Variants in CFAP61 observed in about 807,000 individuals in gnomAD.
CFAP61 encodes cilia and flagella associated protein 61.
In CFAP61, 107 loss-of-function variants were observed where a neutral mutation model predicts 135.6. The observed-to-expected ratio is 0.79, with a 90% CI of 0.67 to 0.93. The LOEUF is 0.93. Ranked by LOEUF, CFAP61 falls within the 40% of genes least tolerant of loss-of-function variation. The pLI is 0.00. For synonymous variants in CFAP61, 575 were observed against 578.5 expected (o/e 0.99, Z 0.09); for missense variants, 1,507 against 1,556.2 (o/e 0.97, Z 0.53).
chr20:20,269,060 A>G (rs1233426690), intron 21 of CFAP61, among the ~76,000 whole-genome samples: 1 of 149,300 alleles, frequency 6.7e-6, no homozygotes, highest in Non-Finnish European at 1.5e-5. Context: ...GGGCATAGAA[A>G]TCTTATGCTT....
At chr20:20,223,866 C>A (rs538391067) in intron 17 of CFAP61, among the ~76,000 whole-genome samples, 1 of 152,232 alleles carries the variant, frequency 6.6e-6, no homozygotes, top group East Asian at 1.9e-4. Flanking sequence ...CTAAAAAGAT[C>A]AAATTTAATC....
intron 8 of CFAP61, among the ~76,000 whole-genome samples, chr20:20,133,880 T>A: frequency 6.6e-6 from 1 of 152,238 alleles, no homozygotes; most frequent in Non-Finnish European, 1.5e-5. Flanking sequence ...GGAGTTTCAC[T>A]GAAAATTTTG....
chr20:20,244,165 G>A (rs1242054717), intron 18 of CFAP61, among the ~76,000 whole-genome samples: 1 of 152,148 alleles, frequency 6.6e-6, no homozygotes, highest in Non-Finnish European at 1.5e-5. Flanking sequence ...AGTGCAAGCT[G>A]CTGGTAGATC....
intron 17 of CFAP61, chr20:20,200,560 A>T: frequency 3.5e-6 from 1 of 281,952 alleles, no homozygotes; most frequent in Non-Finnish European, 5.4e-6. Flanking sequence ...TCAATAACTT[A>T]ATTGGAAAAC....
intron 25 of CFAP61, among the ~76,000 whole-genome samples, chr20:20,320,375 A>G (rs1217819110): frequency 6.9e-5 from 1 of 14,474 alleles, no homozygotes; most frequent in Non-Finnish European, 2.1e-4. Flanking sequence ...AATATATATT[A>G]TATATATGTA....
chr20:20,317,212 C>T (rs138825479), intron 25 of CFAP61, among the ~76,000 whole-genome samples: 18 of 152,122 alleles, frequency 1.2e-4, no homozygotes, highest in Non-Finnish European at 2.4e-4. Flanking sequence ...GCCTTGTTTC[C>T]CTTATCTGTA....
intron 8 of CFAP61, among the ~76,000 whole-genome samples, chr20:20,139,149 T>C (rs983112050): frequency 6.6e-6 from 1 of 152,238 alleles, no homozygotes; most frequent in South Asian, 2.1e-4. Context: ...CCTCAACATG[T>C]ATTATTTTGC....
At chr20:20,309,495 T>C (rs2056688905) in intron 25 of CFAP61, among the ~76,000 whole-genome samples, 1 of 152,120 alleles carries the variant, frequency 6.6e-6, no homozygotes, top group Admixed American at 6.5e-5. Context: ...CTCGTACAGG[T>C]GAGGCAAGGG....
At chr20:20,350,886 A>G (rs2122434126) in intron 26 of CFAP61, among the ~76,000 whole-genome samples, 1 of 152,348 alleles carries the variant, frequency 6.6e-6, no homozygotes, top group Admixed American at 6.5e-5. Flanking sequence ...AAAGCATTTG[A>G]CAAAATTTGC....
At chr20:20,174,744 A>G (rs1475241944) in intron 13 of CFAP61, among the ~76,000 whole-genome samples, 1 of 124,802 alleles carries the variant, frequency 8.0e-6, no homozygotes, top group Non-Finnish European at 1.7e-5. Context: ...CCACCCTTAC[A>G]CCCCAGCAAT....
chr20:20,118,019 C>T (rs926447539), intron 8 of CFAP61, among the ~76,000 whole-genome samples: 23 of 152,064 alleles, frequency 1.5e-4, no homozygotes, highest in Admixed American at 1.5e-3. Context: ...AGTATAAGAT[C>T]ACGTTGTCTG....
In CFAP61 at chr20:20,137,326, C is replaced by T. The variant is rs532917581; in HGVS notation, c.860-5531C>T. On this transcript the variant is annotated intron_variant, in intron 8 of 26. Transcript: ENST00000245957. ...GAAGCCATCCAGGCCTATGTCCTTC[C>T]CTTAAGGGCAACAAGTTCCCCTGGC... Among the ~76,000 whole-genome samples, 5 of 152,308 alleles carry T rather than the reference C, an allele frequency of 3.3e-5. No individual in the cohort carries two copies. In the East Asian group the frequency reaches 9.6e-4, roughly 29 times the overall value.
At chr20:20,336,991 A>G (rs2058218506) in intron 25 of CFAP61, among the ~76,000 whole-genome samples, 1 of 152,258 alleles carries the variant, frequency 6.6e-6, no homozygotes, top group African/African-American at 2.4e-5. Context: ...CGTGAGGGCC[A>G]TATTCGATTC....
chr20:20,233,904 G>A (rs897817672), intron 18 of CFAP61, among the ~76,000 whole-genome samples: 2 of 151,910 alleles, frequency 1.3e-5, no homozygotes, highest in African/African-American at 4.8e-5. Flanking sequence ...TCCTTTTTTT[G>A]TGGGTGCTTT....
intron 20 of CFAP61, among the ~76,000 whole-genome samples, chr20:20,259,118 CA>C (rs2051926222): frequency 6.6e-6 from 1 of 151,954 alleles, no homozygotes; most frequent in African/African-American, 2.4e-5. Context: ...CAGCTACAGT[CA>C]AATAAGCAGT....
intron 21 of CFAP61, among the ~76,000 whole-genome samples, chr20:20,272,049 T>A (rs1163781175): frequency 6.6e-6 from 1 of 152,240 alleles, no homozygotes; most frequent in Non-Finnish European, 1.5e-5. Context: ...ATACATGAAT[T>A]AAATTCATCT....
At chr20:20,324,862 G>A (rs976226231) in intron 25 of CFAP61, among the ~76,000 whole-genome samples, 18 of 152,166 alleles carry the variant, frequency 1.2e-4, no homozygotes, top group African/African-American at 3.4e-4. Flanking sequence ...TGTGAATTGC[G>A]TGTCATTCTT....
At chr20:20,244,419 A>G (rs1569182986) in intron 18 of CFAP61, among the ~76,000 whole-genome samples, 1 of 152,224 alleles carries the variant, frequency 6.6e-6, no homozygotes, top group East Asian at 1.9e-4. Context: ...GTGTACTCAC[A>G]GGTTCAACAC....
At chr20:20,274,637 G>A (rs2053603982) in intron 21 of CFAP61, among the ~76,000 whole-genome samples, 1 of 151,954 alleles carries the variant, frequency 6.6e-6, no homozygotes, top group African/African-American at 2.4e-5. Context: ...CTCCAGCCTG[G>A]GCAACAGGCG....
Sources: allele counts gnomAD v4.1 joint callset (sites outside exome capture counted in the v4.1 genomes callset), GRCh38; gene constraint gnomAD v4.1.1; transcripts MANE v1.5; gene names NCBI Gene and HGNC (gene_info 2026-07-23, HGNC 2026-07-21).